Variants in HCN2 observed in about 807,000 individuals in gnomAD.
HCN2 encodes the protein hyperpolarization activated cyclic nucleotide gated potassium and sodium channel 2, also known as potassium/sodium hyperpolarization-activated cyclic nucleotide-gated channel 2.
HCN2 carries 20 observed loss-of-function variants against 52.3 expected under a neutral mutation model. That is an observed-to-expected ratio of 0.38 (90% confidence interval 0.27 to 0.56). The LOEUF is 0.56. Ranked by LOEUF, HCN2 falls within the 20% of genes least tolerant of loss-of-function variation. The pLI, the probability that HCN2 is intolerant of heterozygous loss-of-function variation, is 0.71. For missense variants in HCN2, 981 were observed against 1,207.7 expected, an observed-to-expected ratio of 0.81 and a Z score of 2.78; for synonymous variants, 694 against 537.0, an observed-to-expected ratio of 1.29 and a Z score of -4.04.
rs549862668 is a variant in HCN2 at position 606,957 on chromosome 19, G to A, written c.1219-1007G>A. Reference sequence around the variant, plus strand: ...GAGGCCGAGGTGGGGCTGATCACCTGAGGTCAGGAGTTTGAGACCAGCCTG... The same window carrying A: ...GAGGCCGAGGTGGGGCTGATCACCTAAGGTCAGGAGTTTGAGACCAGCCTG... On this transcript the variant is annotated intron_variant, in intron 3 of 7. Coordinates refer to ENST00000251287, the MANE Select transcript of HCN2 (RefSeq NM_001194.4). Among the ~76,000 whole-genome samples the A allele has an allele frequency of 1.2e-3, 175 of 151,728 alleles. 1 individual carries two copies. Among genetic ancestry groups the A allele is most frequent in the East Asian group, 8.4e-3 (43 of 5,134 alleles).
intron 7 of HCN2, 26 bp downstream of exon 7, chr19:614,042 G>T (rs747069444): frequency 6.5e-7 from 1 of 1,532,930 alleles, no homozygotes; most frequent in Non-Finnish European, 8.8e-7. Flanking sequence ...GCGTGGCCGG[G>T]GCGGGTGCCC....
At chr19:610,981 G>A (rs980907063) in intron 5 of HCN2, among the ~76,000 whole-genome samples, 22 of 151,934 alleles carry the variant, frequency 1.4e-4, no homozygotes, top group Middle Eastern at 3.2e-3. Context: ...AGGCGCCCTT[G>A]GCTTGCAGAT....
intron 5 of HCN2, among the ~76,000 whole-genome samples, chr19:611,411 C>A (rs1000198108): frequency 3.9e-5 from 6 of 152,238 alleles, no homozygotes; most frequent in African/African-American, 1.4e-4. Flanking sequence ...GGCAGGGTGT[C>A]CCCGGTGTAG....
chr19:603,138 C>T (rs1171915048), intron 1 of HCN2, among the ~76,000 whole-genome samples: 1 of 134,502 alleles, frequency 7.4e-6, no homozygotes, highest in Non-Finnish European at 1.6e-5. Context: ...GGTGTGGGTG[C>T]CCCTCGTCCC....
chr19:613,988 G>A lies in HCN2; in HGVS notation c.1962G>A (p.Thr654=). ...EYPMMRRAFE[T]VAIDRLDRIG... is the part of the protein sequence containing the mutation. The stretch of plus-strand genomic sequence containing the variant: ...CCATGATGCGGCGCGCCTTCGAGAC[G>A]GTGGCCATCGACCGCCTGGACCGCA... The change falls in exon 7 of 8, where the codon ACG becomes ACA. Residue 654 remains threonine, a synonymous_variant. Transcript: ENST00000251287. 1.3e-6 allele frequency: 2 copies of A among 1,514,274 alleles called. No homozygotes were observed. Among genetic ancestry groups the A allele is most frequent in the Non-Finnish European group, 1.8e-6 (2 of 1,131,894 alleles). 93.8% of individuals were successfully genotyped at this position (1,514,274 alleles called of 1,614,324 possible).
chr19:596,980 C>T (rs986131973), intron 1 of HCN2, among the ~76,000 whole-genome samples: 1 of 152,188 alleles, frequency 6.6e-6, no homozygotes, highest in Non-Finnish European at 1.5e-5. Context: ...CCCCAGGCCT[C>T]GGTTTCCCCT....
intron 4 of HCN2, among the ~76,000 whole-genome samples, 162 bp downstream of exon 4, chr19:608,344 C>T (rs904598142): frequency 2.1e-5 from 3 of 146,176 alleles, no homozygotes; most frequent in East Asian, 2.0e-4. Context: ...GGTCTGAGGG[C>T]GGAGGTAGTC....
At chr19:615,339 C>T (rs924022701) in intron 7 of HCN2, among the ~76,000 whole-genome samples, 14 of 150,590 alleles carry the variant, frequency 9.3e-5, no homozygotes, top group African/African-American at 3.2e-4. Flanking sequence ...GAAACCCCGT[C>T]TCTACTAAAA....
chr19:614,138 C>T (rs1192941355), intron 7 of HCN2, 122 bp downstream of exon 7: 13 of 727,588 alleles, frequency 1.8e-5, no homozygotes, highest in Admixed American at 1.4e-4. Context: ...ATCAGGGGCA[C>T]GGTTGGGGCA....
intron 1 of HCN2, among the ~76,000 whole-genome samples, chr19:594,913 A>G (rs1407022314): frequency 6.6e-6 from 1 of 152,104 alleles, no homozygotes; most frequent in African/African-American, 2.4e-5. Context: ...GAAAACGGAC[A>G]TCTTTGTCCA....
chr19:608,588 C>T (rs1008944697), intron 4 of HCN2, among the ~76,000 whole-genome samples: 4 of 113,352 alleles, frequency 3.5e-5, no homozygotes, highest in East Asian at 2.8e-4. Flanking sequence ...GGACGTGGGG[C>T]GGGGGCTGGG....
chr19:612,419 T>TGAGA (rs1247504083), intron 5 of HCN2, among the ~76,000 whole-genome samples: 1 of 117,206 alleles, frequency 8.5e-6, no homozygotes, highest in African/African-American at 3.2e-5. Flanking sequence ...TGTGTGTGTG[T>TGAGA]GTGTGTGTGA....
rs1004796982 is a variant in HCN2, at chr19:616,541, G to A, written c.*67G>A. 36 of 946,088 alleles carry A rather than the reference G, an allele frequency of 3.8e-5. No individual in the cohort carries two copies. The African/African-American group carries it at 4.6e-4, about 12-fold the overall frequency. The allele number at this position is 946,088 out of a possible 1,614,324, so 58.6% of individuals were successfully genotyped here. On this transcript the variant is annotated 3_prime_UTR_variant, in exon 8 of 8. Transcript: ENST00000251287. ...GGGCCGTCATCCAGACCAAAGCCATGCCATTGCGCTGCCCCGGCCGCCAGT... is the reference window on the plus strand; with the variant it reads ...GGGCCGTCATCCAGACCAAAGCCATACCATTGCGCTGCCCCGGCCGCCAGT...
intron 1 of HCN2, among the ~76,000 whole-genome samples, chr19:600,812 C>A (rs1983179180): frequency 6.6e-6 from 1 of 152,204 alleles, no homozygotes; most frequent in African/African-American, 2.4e-5. Context: ...TTCCAATTAG[C>A]CATTGTAAAA....
intron 1 of HCN2, among the ~76,000 whole-genome samples, chr19:593,548 AG>A (rs1190889762): frequency 6.6e-6 from 1 of 152,176 alleles, no homozygotes; most frequent in Non-Finnish European, 1.5e-5. Flanking sequence ...TGAATCCAGG[AG>A]GCAGAGGTTG....
Position 611,573 on chromosome 19 carries a change from C to T in HCN2, c.1584+1168C>T, listed in dbSNP as rs1038791863. Among the ~76,000 whole-genome samples, 12 of 152,310 alleles carry T rather than the reference C, an allele frequency of 7.9e-5. 1 individual carries two copies. The East Asian group carries it at 1.2e-3, about 15-fold the overall frequency. ...CTCCCAGGAGGCACACACTGCGGTT[C>T]GCTTCGCCAAGAATGTTTAATTGCA... is the stretch of plus-strand genomic sequence containing the variant. On this transcript the variant is annotated intron_variant, in intron 5 of 7. Transcript: ENST00000251287.
chr19:608,029 C>T lies in HCN2; in HGVS notation c.1284C>T (p.Ile428=), dbSNP rs531430247. ...AGGCCATGAGCCACATGCTGTGCAT[C>T]GGGTACGGCCGGCAGGCGCCCGAGA... ...LFKAMSHMLC[I]GYGRQAPESM... The change falls in exon 4 of 8, where the codon ATC becomes ATT. Residue 428 remains isoleucine, a synonymous_variant. Transcript: ENST00000251287. 59 of 1,613,058 alleles carry T rather than the reference C, an allele frequency of 3.7e-5. No homozygotes were observed. The highest frequency in any genetic ancestry group is 2.4e-4 in the African/African-American group (18 of 75,056).
chr19:603,710 A>G lies in HCN2; in HGVS notation c.799A>G (p.Ile267Val), dbSNP rs750946597. The G allele has an allele frequency of 1.2e-6, 2 of 1,612,806 alleles. No individual in the cohort carries two copies. The highest frequency in any genetic ancestry group is 2.2e-5 in the South Asian group (2 of 91,070). ...CCTGGTGTTGAACTTCCGCACCGGC[A>G]TTGTGATCGAGGACAACACGGAGAT... ...MDLVLNFRTG[I>V]VIEDNTEIIL... Residue 267 changes from isoleucine to valine, a missense_variant, in exon 2 of 8, where the codon ATT (isoleucine) becomes GTT (valine). By Grantham distance (29) the Ile-to-Val change is conservative. Coordinates refer to ENST00000251287, the MANE Select transcript of HCN2 (RefSeq NM_001194.4).
At chr19:613,176 G>C in intron 5 of HCN2, 72 bp from the exon 6 acceptor site, 7 of 1,524,152 alleles carry the variant, frequency 4.6e-6, no homozygotes, top group South Asian at 1.2e-5. Flanking sequence ...AGGTGAGCCG[G>C]TCCCAGAGGC....
Sources: gnomAD v4.1 joint callset for allele counts (sites outside exome capture counted in the v4.1 genomes callset) on GRCh38, gnomAD v4.1.1 for gene constraint, MANE v1.5 for transcripts, NCBI Gene and HGNC (gene_info 2026-07-23, HGNC 2026-07-21) for gene names.